GAL3ST2: variants seen among roughly 807,000 people sequenced by gnomAD.
GAL3ST2 encodes galactose-3-O-sulfotransferase 2, also known as beta-galactose-3-O-sulfotransferase 2.
Under a neutral mutation model 12.9 loss-of-function variants are expected in GAL3ST2, and 16 were observed. The observed-to-expected ratio is 1.24, with a 90% CI of 0.84 to 1.88. The LOEUF (loss-of-function observed/expected upper bound fraction) is 1.88, where lower values mean the gene tolerates loss of function less well. GAL3ST2 is among the 40% of genes most tolerant of loss of function. The pLI is 0.00. For missense variants in GAL3ST2, 639 were observed against 571.8 expected (o/e 1.12, Z -1.20); for synonymous variants, 302 against 273.9 (o/e 1.10, Z -1.01).
At position 241,804,270 on chromosome 2, in the gene GAL3ST2, C is replaced by A; in HGVS notation, c.*104C>A. 1 of 1,000,994 alleles carries A rather than the reference C, an allele frequency of 1.0e-6. No homozygotes were observed. Among genetic ancestry groups the A allele is most frequent in the Non-Finnish European group, 1.4e-6 (1 of 739,254 alleles). 62.0% of individuals were successfully genotyped at this position (1,000,994 alleles called of 1,614,324 possible). A position where few individuals can be genotyped will look rare whatever the true frequency, so the allele number is the denominator to read the frequency against. ...GCAGGGCTTCTGGGGCGTTGGGAAA[C>A]CCAGGCCCGCCGGCCACGGCTCTAA... On this transcript the variant is annotated 3_prime_UTR_variant, in exon 4 of 4. Coordinates refer to ENST00000192314, the MANE Select transcript of GAL3ST2 (RefSeq NM_022134.3).
intron 1 of GAL3ST2, among the ~76,000 whole-genome samples, chr2:241,796,433 A>G (rs62193076): frequency 0.34 from 52,219 of 151,726 alleles, 11,022 homozygotes; most frequent in African/African-American, 0.6. Context: ...GCCATCGAGG[A>G]CCAGGGCAGG....
At chr2:241,784,194 C>T (rs1033799614) in intron 1 of GAL3ST2, among the ~76,000 whole-genome samples, 14 of 152,140 alleles carry the variant, frequency 9.2e-5, no homozygotes, top group Admixed American at 2.0e-4. Flanking sequence ...CCACCACGCC[C>T]GGTTAATTTT....
At position 241,802,610 on chromosome 2, in the gene GAL3ST2, G is replaced by T. The variant is rs1363762981; in HGVS notation, c.375+574G>T. On this transcript the variant is annotated intron_variant, in intron 3 of 3. Coordinates refer to ENST00000192314, the MANE Select transcript of GAL3ST2 (RefSeq NM_022134.3). This position sits in a 1 kb window ranked among gnomAD's most constrained non-coding sequence, Gnocchi z 4.8. ...ATGGGCAGAGAGCGGGGCAGCGGGG[G>T]TGTGCTGTGGGGTGGGGGCTGCGGG... Among the ~76,000 whole-genome samples the T allele has an allele frequency of 9.3e-5, 14 of 150,092 alleles. No homozygotes were observed. The highest frequency in any genetic ancestry group is 1.8e-4 in the Non-Finnish European group (12 of 67,456).
At position 241,802,605 on chromosome 2, in the gene GAL3ST2, C is replaced by G. The variant is rs947118265; in HGVS notation, c.375+569C>G. ...AGGTGATGGGCAGAGAGCGGGGCAG[C>G]GGGGGTGTGCTGTGGGGTGGGGGCT... On this transcript the variant is annotated intron_variant, in intron 3 of 3. Transcript: ENST00000192314. The surrounding 1 kb of genome is among the most constrained non-coding windows in gnomAD (Gnocchi z 4.8). 2.6e-4 allele frequency among the ~76,000 whole-genome samples: 17 copies of G among 65,142 alleles called. No individual in the cohort carries two copies. Among genetic ancestry groups the G allele is most frequent in the African/African-American group, 8.9e-4 (15 of 16,942 alleles). 42.7% of individuals were successfully genotyped at this position (65,142 alleles called of 152,430 possible).
Position 241,800,605 on chromosome 2 carries a change from C to A in GAL3ST2, c.120-1176C>A, listed in dbSNP as rs1402564220. Among the ~76,000 whole-genome samples, 2 of 152,224 alleles carry A rather than the reference C, an allele frequency of 1.3e-5. No individual in the cohort carries two copies. Among genetic ancestry groups the A allele is most frequent in the Non-Finnish European group, 2.9e-5 (2 of 68,048 alleles). On this transcript the variant is annotated intron_variant, in intron 2 of 3. Transcript: ENST00000192314. This position sits in a 1 kb window ranked among gnomAD's most constrained non-coding sequence, Gnocchi z 5.2. ...GGACGGGAAGCACTCGGTGCGCAGC[C>A]TCTGTAAACCGCCAGAACCAGTCCG...
intron 1 of GAL3ST2, 54 bp from the exon 2 acceptor site, chr2:241,799,011 G>A: frequency 7.1e-7 from 1 of 1,407,196 alleles, no homozygotes; most frequent in Non-Finnish European, 1.0e-6. Context: ...ATGGGAGGTG[G>A]GGGTGGGGCT....
intron 1 of GAL3ST2, among the ~76,000 whole-genome samples, chr2:241,792,053 G>A (rs1159778996): frequency 1.5e-5 from 2 of 135,064 alleles, no homozygotes; most frequent in African/African-American, 2.8e-5. Flanking sequence ...TGCTCTTGTC[G>A]CCCAGGCTGG....
At position 241,804,216 on chromosome 2, in the gene GAL3ST2, C is replaced by T. The variant is rs1699905263; in HGVS notation, c.*50C>T. 1.5e-6 allele frequency: 2 copies of T among 1,342,234 alleles called. No individual in the cohort carries two copies. Among genetic ancestry groups the T allele is most frequent in the South Asian group, 1.8e-5 (1 of 55,110 alleles). 83.1% of individuals were successfully genotyped at this position (1,342,234 alleles called of 1,614,324 possible). A position where few individuals can be genotyped will look rare whatever the true frequency, so the allele number is the denominator to read the frequency against. ...TCCTGCGGACACCAGCTCCTCTCTC[C>T]GCCGTCACCGGGGAGGCCGGGGATC... On this transcript the variant is annotated 3_prime_UTR_variant, in exon 4 of 4. Transcript: ENST00000192314.
At chr2:241,798,566 A>T (rs1699803278) in intron 1 of GAL3ST2, among the ~76,000 whole-genome samples, 1 of 149,794 alleles carries the variant, frequency 6.7e-6, no homozygotes, top group African/African-American at 2.5e-5. Context: ...CAACCCTAAC[A>T]CCTCCCAGAG....
In GAL3ST2 at chr2:241,795,876, G is replaced by A. The variant is rs376423800; in HGVS notation, c.30-3189G>A. On this transcript the variant is annotated intron_variant, in intron 1 of 3. Coordinates refer to ENST00000192314, the MANE Select transcript of GAL3ST2 (RefSeq NM_022134.3). The surrounding 1 kb of genome is among the most constrained non-coding windows in gnomAD (Gnocchi z 4.5). ...TTCTAGTGTTTACTGGGCCTTGGCC[G>A]CTGGGAGCCTCTTCAAGGTGGTTCC... Among the ~76,000 whole-genome samples, 50 of 152,372 alleles carry A rather than the reference G, an allele frequency of 3.3e-4. 1 individual carries two copies. Among genetic ancestry groups the A allele is most frequent in the South Asian group, 6.2e-4 (3 of 4,834 alleles).
At chr2:241,799,640 G>A (rs1168386467) in intron 2 of GAL3ST2, among the ~76,000 whole-genome samples, 1 of 152,204 alleles carries the variant, frequency 6.6e-6, no homozygotes, top group Non-Finnish European at 1.5e-5. Flanking sequence ...GCCCAGCTGT[G>A]CCTCCAGACA....
At position 241,777,003 on chromosome 2, in the gene GAL3ST2, C is replaced by A; in HGVS notation, c.29+19C>A. The stretch of plus-strand genomic sequence containing the variant: ...TGCAGAGGTAAGGGGGGCAGTTGGA[C>A]CCCCCAGGTGGACAAAGCGCTTCAT... On this transcript the variant is annotated intron_variant, in intron 1 of 3. Transcript: ENST00000192314. The A allele has an allele frequency of 6.7e-7, 1 of 1,502,726 alleles. No homozygotes were observed. The highest frequency in any genetic ancestry group is 8.9e-7 in the Non-Finnish European group (1 of 1,117,422). 93.1% of individuals were successfully genotyped at this position (1,502,726 alleles called of 1,614,324 possible).
At chr2:241,786,613 C>CA (rs1699631671) in intron 1 of GAL3ST2, among the ~76,000 whole-genome samples, 2 of 151,798 alleles carry the variant, frequency 1.3e-5, no homozygotes, top group East Asian at 1.9e-4. Context: ...AGTAAAACTC[C>CA]AAAAAAATAG....
chr2:241,797,670 C>T (rs1022212827), intron 1 of GAL3ST2, among the ~76,000 whole-genome samples: 3 of 152,258 alleles, frequency 2.0e-5, no homozygotes, highest in African/African-American at 4.8e-5. Flanking sequence ...CAGGAATGGT[C>T]GTGTGACCAC....
chr2:241,785,770 C>A (rs544010132), intron 1 of GAL3ST2, among the ~76,000 whole-genome samples: 12 of 151,914 alleles, frequency 7.9e-5, no homozygotes, highest in Admixed American at 4.6e-4. Flanking sequence ...TGAGAAAAAA[C>A]AAAAAACTTT....
Position 241,793,602 on chromosome 2 carries a change from T to C in GAL3ST2, c.30-5463T>C, listed in dbSNP as rs1005968033. Among the ~76,000 whole-genome samples, 3 of 135,718 alleles carry C rather than the reference T, an allele frequency of 2.2e-5. No individual in the cohort carries two copies. Among genetic ancestry groups the C allele is most frequent in the African/African-American group, 9.0e-5 (3 of 33,282 alleles). The allele number at this position is 135,718 out of a possible 152,430, so 89.0% of individuals were successfully genotyped here. A position where few individuals can be genotyped will look rare whatever the true frequency, so the allele number is the denominator to read the frequency against. The stretch of plus-strand genomic sequence containing the variant: ...ATGTGTATGTATGTATATGTGTATA[T>C]GTGTGTGTATTGTGTGTGTACATAT... On this transcript the variant is annotated intron_variant, in intron 1 of 3. Transcript: ENST00000192314. The surrounding 1 kb of genome is among the most constrained non-coding windows in gnomAD (Gnocchi z 4.7).
chr2:241,791,684 A>G (rs1382742095), intron 1 of GAL3ST2, among the ~76,000 whole-genome samples: 1 of 152,198 alleles, frequency 6.6e-6, no homozygotes. Flanking sequence ...TGTTCCATCA[A>G]AGCCAATTTA....
chr2:241,786,965 T>C (rs1368527937), intron 1 of GAL3ST2, among the ~76,000 whole-genome samples: 2 of 152,202 alleles, frequency 1.3e-5, no homozygotes, highest in Non-Finnish European at 2.9e-5. Flanking sequence ...GTCTCCCCTC[T>C]GCTCACTGAG....
At chr2:241,786,862 G>A (rs1238163296) in intron 1 of GAL3ST2, among the ~76,000 whole-genome samples, 3 of 152,004 alleles carry the variant, frequency 2.0e-5, no homozygotes, top group East Asian at 3.8e-4. Flanking sequence ...GTCTACAAAA[G>A]GAAAATATCT....
Sources: allele counts gnomAD v4.1 joint callset (sites outside exome capture counted in the v4.1 genomes callset), GRCh38; gene constraint gnomAD v4.1.1; non-coding constraint Gnocchi (gnomAD v3.1); transcripts MANE v1.5; gene names NCBI Gene and HGNC (gene_info 2026-07-23, HGNC 2026-07-21).